Variants in FOXN3 observed in about 807,000 individuals in gnomAD.
FOXN3 encodes the protein forkhead box protein N3.
In FOXN3, 7 loss-of-function variants were observed where a neutral mutation model predicts 38.4. That is an observed-to-expected ratio of 0.18 (90% CI 0.10 to 0.34). FOXN3 has a LOEUF of 0.34. Among genes scored for constraint, FOXN3 ranks in the 10% least tolerant of loss-of-function variants. The pLI, the probability that FOXN3 is intolerant of heterozygous loss-of-function variation, is 1.00. For synonymous variants in FOXN3, 230 were observed against 242.2 expected (o/e 0.95, Z 0.47); for missense variants, 456 against 613.4 (o/e 0.74, Z 2.71).
chr14:89,332,000 A>C (rs1455153388), intron 3 of FOXN3, among the ~76,000 whole-genome samples: 1 of 152,186 alleles, frequency 6.6e-6, no homozygotes, highest in Non-Finnish European at 1.5e-5. Context: ...TTGGCTTACT[A>C]CAAAGAAGTT....
chr14:89,313,752 A>G (rs1887641972), intron 3 of FOXN3, among the ~76,000 whole-genome samples: 1 of 152,208 alleles, frequency 6.6e-6, no homozygotes, highest in Non-Finnish European at 1.5e-5. Context: ...TGGCGAATGG[A>G]TAAACAAAAT....
chr14:89,185,048 T>G (rs1422426588), intron 4 of FOXN3, among the ~76,000 whole-genome samples: 1 of 152,254 alleles, frequency 6.6e-6, no homozygotes, highest in Non-Finnish European at 1.5e-5. Context: ...TTCCCTGAGC[T>G]ATTTCCTGAA....
chr14:89,396,895 T>G (rs1416110745), intron 2 of FOXN3, among the ~76,000 whole-genome samples: 1 of 146,738 alleles, frequency 6.8e-6, no homozygotes, highest in African/African-American at 2.6e-5. Flanking sequence ...TTTTTTTTCC[T>G]TATTTGTTAG....
At chr14:89,188,617 C>T (rs571334812) in intron 4 of FOXN3, among the ~76,000 whole-genome samples, 11 of 152,332 alleles carry the variant, frequency 7.2e-5, no homozygotes, top group Non-Finnish European at 1.3e-4. Context: ...CCCATTTTCC[C>T]TCTGAACTTC....
chr14:89,194,146 A>G (rs1888036759), intron 4 of FOXN3, among the ~76,000 whole-genome samples: 1 of 151,986 alleles, frequency 6.6e-6, no homozygotes, highest in African/African-American at 2.4e-5. Flanking sequence ...TCAGTTTCTT[A>G]AGAGTGTCTT....
chr14:89,521,709 T>C (rs1404464523), intron 1 of FOXN3, among the ~76,000 whole-genome samples: 1 of 152,016 alleles, frequency 6.6e-6, no homozygotes, highest in Non-Finnish European at 1.5e-5. Context: ...TACCTTATAA[T>C]ATCATTGTCA....
chr14:89,362,353 ACCTCCT>A lies in FOXN3; in HGVS notation c.544-11551_544-11546del, dbSNP rs1466849585. On this transcript the variant is annotated intron_variant, in intron 2 of 5. Coordinates refer to ENST00000557258, the MANE Select transcript of FOXN3 (RefSeq NM_005197.4). ...CACCACCACCTCCAGCACCACCACC[ACCTCCT>A]CCTCCTCCTCCACCACCACCTCCAC... 6.9e-4 allele frequency among the ~76,000 whole-genome samples: 2 copies of A among 2,900 alleles called. 1 individual carries two copies. Among genetic ancestry groups the A allele is most frequent in the African/African-American group, 7.5e-4 (2 of 2,684 alleles). 1.9% of individuals were successfully genotyped at this position (2,900 alleles called of 152,430 possible). A position where few individuals can be genotyped will look rare whatever the true frequency, so the allele number is the denominator to read the frequency against.
intron 1 of FOXN3, among the ~76,000 whole-genome samples, chr14:89,499,400 T>C (rs1376823499): frequency 2.0e-5 from 3 of 152,132 alleles, no homozygotes; most frequent in South Asian, 2.1e-4. Flanking sequence ...AGTTGCCTAA[T>C]GAGCAATTTG....
chr14:89,491,475 T>C (rs1487308586), intron 1 of FOXN3, among the ~76,000 whole-genome samples: 1 of 152,164 alleles, frequency 6.6e-6, no homozygotes, highest in Non-Finnish European at 1.5e-5. Flanking sequence ...TGAGAGCAAA[T>C]GCCTATGTGC....
intron 4 of FOXN3, among the ~76,000 whole-genome samples, chr14:89,279,987 C>A (rs1003935871): frequency 1.3e-5 from 2 of 152,096 alleles, no homozygotes; most frequent in African/African-American, 4.8e-5. Context: ...GGGAAAGAGG[C>A]TAAACAGCTC....
chr14:89,300,433 C>T (rs1048978846), intron 3 of FOXN3, among the ~76,000 whole-genome samples: 4 of 152,126 alleles, frequency 2.6e-5, no homozygotes, highest in African/African-American at 9.7e-5. Flanking sequence ...CCACCTGCCT[C>T]GGCCTCCCAG....
At chr14:89,492,699 G>A (rs1371855042) in intron 1 of FOXN3, among the ~76,000 whole-genome samples, 2 of 152,192 alleles carry the variant, frequency 1.3e-5, no homozygotes, top group Non-Finnish European at 2.9e-5. Flanking sequence ...GCGACAAAGT[G>A]AGACCCTGTC....
intron 1 of FOXN3, among the ~76,000 whole-genome samples, chr14:89,539,796 C>A (rs61996511): frequency 0.13 from 19,581 of 152,110 alleles, 1,614 homozygotes; most frequent in African/African-American, 0.22. Flanking sequence ...GAGGGAGGCT[C>A]GTTAGGGTTA....
chr14:89,336,117 T>C (rs910722394), intron 3 of FOXN3, among the ~76,000 whole-genome samples: 1 of 146,636 alleles, frequency 6.8e-6, no homozygotes, highest in Non-Finnish European at 1.5e-5. Context: ...TTCGATTTTG[T>C]CTAAAACAGA....
At chr14:89,569,294 G>A (rs964335978) in intron 1 of FOXN3, among the ~76,000 whole-genome samples, 2 of 152,164 alleles carry the variant, frequency 1.3e-5, no homozygotes, top group African/African-American at 4.8e-5. Context: ...GGGGGTGGGT[G>A]CCCATCTAAG....
chr14:89,506,325 G>T (rs1596301369), intron 1 of FOXN3, among the ~76,000 whole-genome samples: 1 of 82,554 alleles, frequency 1.2e-5, no homozygotes, highest in Admixed American at 1.3e-4. Context: ...GGAGGGAGGT[G>T]GGGGGGTCAG....
chr14:89,519,239 C>T (rs181428623), intron 1 of FOXN3, among the ~76,000 whole-genome samples: 23 of 152,196 alleles, frequency 1.5e-4, no homozygotes, highest in African/African-American at 4.8e-4. Flanking sequence ...TGAAGGAAAC[C>T]GCATTTTCAT....
chr14:89,615,061 T>G (rs546377911), intron 1 of FOXN3, among the ~76,000 whole-genome samples: 5 of 152,246 alleles, frequency 3.3e-5, no homozygotes, highest in Non-Finnish European at 2.9e-5. Flanking sequence ...AAGTTAAAAT[T>G]TGTTTTTCTC....
At chr14:89,187,159 G>T (rs923714565) in intron 4 of FOXN3, among the ~76,000 whole-genome samples, 3 of 152,216 alleles carry the variant, frequency 2.0e-5, no homozygotes, top group Non-Finnish European at 4.4e-5. Context: ...GCCTCTATCT[G>T]CTGGGAGCAG....
Sources: allele counts gnomAD v4.1 joint callset (sites outside exome capture counted in the v4.1 genomes callset), GRCh38; gene constraint gnomAD v4.1.1; transcripts MANE v1.5; gene names NCBI Gene and HGNC (gene_info 2026-07-23, HGNC 2026-07-21).